The following USP7 variants were observed in gnomAD, a reference collection of about 807,000 sequenced individuals.
USP7 encodes ubiquitin specific peptidase 7, also known as ubiquitin C-terminal hydrolase 7.
In USP7, 9 loss-of-function variants were observed where a neutral mutation model predicts 162.9. That is an observed-to-expected ratio of 0.06 (90% CI 0.03 to 0.10). The LOEUF (loss-of-function observed/expected upper bound fraction) is 0.10, where lower values mean the gene tolerates loss of function less well. Among genes scored for constraint, USP7 ranks in the 10% least tolerant of loss-of-function variants. The probability of loss-of-function intolerance (pLI) is 1.00; values close to 1 mark genes in which losing one functional copy is unlikely to be tolerated. For synonymous variants in USP7, 562 were observed against 475.9 expected, an observed-to-expected ratio of 1.18 and a Z score of -2.35; for missense variants, 715 against 1,373.7, an observed-to-expected ratio of 0.52 and a Z score of 7.58.
rs199516721 is a variant in USP7, at chr16:8,903,448, A to C, written c.1705-46T>G. ...ACAGAAAAGACTTGACAACTGACAA[A>C]AAATGAGTCCACACTGAACACATTT... On this transcript the variant is annotated intron_variant, in intron 15 of 30. Transcript: ENST00000344836. 6.7e-4 allele frequency: 1,066 copies of C among 1,596,644 alleles called. 2 individuals carry two copies. The highest frequency in any genetic ancestry group is 8.5e-4 in the Non-Finnish European group (989 of 1,169,294).
chr16:8,899,825 A>G (rs2061745856), intron 21 of USP7, 68 bp from the exon 22 acceptor site: 3 of 1,560,336 alleles, frequency 1.9e-6, no homozygotes, highest in Non-Finnish European at 2.7e-6. Context: ...TAAAAATGGC[A>G]TCATCTTTTA....
At chr16:8,934,829 C>T (rs1898595138) in intron 1 of USP7, among the ~76,000 whole-genome samples, 1 of 152,204 alleles carries the variant, frequency 6.6e-6, no homozygotes, top group Non-Finnish European at 1.5e-5. Context: ...TATGGGTGTC[C>T]AAGCAGCCAC....
intron 1 of USP7, among the ~76,000 whole-genome samples, chr16:8,960,349 C>G (rs759299374): frequency 6.6e-6 from 1 of 152,172 alleles, no homozygotes; most frequent in African/African-American, 2.4e-5. Flanking sequence ...CTGCTCAGGG[C>G]ATTTCAAAAA....
chr16:8,924,494 A>G (rs1897883561), intron 2 of USP7, among the ~76,000 whole-genome samples: 1 of 152,238 alleles, frequency 6.6e-6, no homozygotes, highest in Admixed American at 6.5e-5. Flanking sequence ...CCCGGCTTAG[A>G]ATCAGGTGCT....
At chr16:8,902,270 A>C in intron 17 of USP7, 83 bp from the exon 18 acceptor site, 1 of 1,580,624 alleles carries the variant, frequency 6.3e-7, no homozygotes, top group Non-Finnish European at 8.7e-7. Flanking sequence ...GTATTGAAGA[A>C]AACGTCCAAT....
intron 1 of USP7, among the ~76,000 whole-genome samples, chr16:8,960,826 G>A (rs1448052136): frequency 6.6e-6 from 1 of 152,220 alleles, no homozygotes; most frequent in Non-Finnish European, 1.5e-5. Flanking sequence ...TGGGAAGGCT[G>A]AAATAGATGG....
At chr16:8,903,144 T>TC in intron 16 of USP7, 124 bp downstream of exon 16, 3 of 1,301,924 alleles carry the variant, frequency 2.3e-6, no homozygotes, top group Non-Finnish European at 3.1e-6. Context: ...GTCACACTCC[T>TC]CACTGTTAGG....
In USP7 at chr16:8,910,776, T is replaced by C; in HGVS notation, c.1130A>G (p.Asn377Ser). The C allele has an allele frequency of 6.2e-7, 1 of 1,614,186 alleles. No homozygotes were observed. Among genetic ancestry groups the C allele is most frequent in the Non-Finnish European group, 8.5e-7 (1 of 1,180,024 alleles). ...YVAVEQLDGD[N>S]KYDAGEHGLQ... ...GCCATGTTCCCCAGCGTCGTATTTA[T>C]TGTCCCCATCGAGCTGTTCTACTGC... Residue 377 changes from asparagine to serine, a missense_variant, in exon 11 of 31, where the codon AAT (asparagine) becomes AGT (serine). Coordinates refer to ENST00000344836, the MANE Select transcript of USP7 (RefSeq NM_003470.3).
chr16:8,901,256 T>C (rs1357268939), intron 18 of USP7, 22 bp from the exon 19 acceptor site: 7 of 1,555,442 alleles, frequency 4.5e-6, no homozygotes, highest in Non-Finnish European at 6.2e-6. Context: ...ATAAACAAGT[T>C]TTGTTAAGAT....
chr16:8,896,378 G>A (rs1426985132), intron 26 of USP7, among the ~76,000 whole-genome samples: 1 of 152,008 alleles, frequency 6.6e-6, no homozygotes, highest in Non-Finnish European at 1.5e-5. Context: ...CTCTTATTAG[G>A]TAATAGATTA....
At chr16:8,908,272 A>C in intron 12 of USP7, 69 bp downstream of exon 12, 1 of 1,244,744 alleles carries the variant, frequency 8.0e-7, no homozygotes, top group Admixed American at 1.7e-5. Context: ...GACTGAGGAA[A>C]GCACTGAGAC....
At chr16:8,915,155 GT>G in intron 10 of USP7, 98 bp downstream of exon 10, 3 of 1,148,034 alleles carry the variant, frequency 2.6e-6, no homozygotes, top group Non-Finnish European at 3.7e-6. Context: ...CATTCTCTGT[GT>G]TTAGACTATT....
chr16:8,906,707 GA>G, intron 12 of USP7, 125 bp from the exon 13 acceptor site: 1 of 890,508 alleles, frequency 1.1e-6, no homozygotes, highest in Non-Finnish European at 1.7e-6. Context: ...ATTGCCTTGG[GA>G]AGGCCTATGA....
intron 25 of USP7, 131 bp from the exon 26 acceptor site, chr16:8,897,230 T>G: frequency 1.5e-6 from 1 of 686,818 alleles, no homozygotes; most frequent in Non-Finnish European, 2.5e-6. Context: ...CTTGCTCTCA[T>G]TCCCACCCCA....
At chr16:8,955,325 G>T (rs968768971) in intron 1 of USP7, among the ~76,000 whole-genome samples, 1 of 152,178 alleles carries the variant, frequency 6.6e-6, no homozygotes, top group Admixed American at 6.5e-5. Context: ...GCTCACTGTG[G>T]CCTCGACCTC....
At chr16:8,911,577 G>T (rs550512878) in intron 10 of USP7, among the ~76,000 whole-genome samples, 1 of 152,232 alleles carries the variant, frequency 6.6e-6, no homozygotes, top group Non-Finnish European at 1.5e-5. Flanking sequence ...GTACAGGACA[G>T]GGATCCCTGA....
intron 21 of USP7, 184 bp from the exon 22 acceptor site, chr16:8,899,941 TG>T: frequency 1.4e-6 from 1 of 705,338 alleles, no homozygotes; most frequent in Non-Finnish European, 2.4e-6. Context: ...CAAGTATGCA[TG>T]GGGATGCACT....
chr16:8,949,340 A>G (rs763147871), intron 1 of USP7, among the ~76,000 whole-genome samples: 1 of 152,228 alleles, frequency 6.6e-6, no homozygotes, highest in South Asian at 2.1e-4. Flanking sequence ...ATGCAATGCA[A>G]TTGATTGTTG....
At chr16:8,928,553 C>T (rs1470438211) in intron 2 of USP7, among the ~76,000 whole-genome samples, 1 of 152,196 alleles carries the variant, frequency 6.6e-6, no homozygotes. Context: ...GCAATTTGTA[C>T]TGCAGCTGGA....
Sources: allele counts gnomAD v4.1 joint callset (sites outside exome capture counted in the v4.1 genomes callset), GRCh38; gene constraint gnomAD v4.1.1; transcripts MANE v1.5; gene names NCBI Gene and HGNC (gene_info 2026-07-23, HGNC 2026-07-21).